The following ADARB2 variants were observed in gnomAD, a reference collection of about 807,000 sequenced individuals.
ADARB2 encodes inactive double-stranded RNA-specific editase B2.
ADARB2 carries 25 observed loss-of-function variants against 62.2 expected under a neutral mutation model. That is an observed-to-expected ratio of 0.40 (90% confidence interval 0.29 to 0.56). The LOEUF (loss-of-function observed/expected upper bound fraction) is 0.56. Ranked by LOEUF, ADARB2 falls within the 20% of genes least tolerant of loss-of-function variation. The pLI, the probability that ADARB2 is intolerant of heterozygous loss-of-function variation, is 0.43. For synonymous variants in ADARB2, 572 were observed against 500.8 expected (o/e 1.14, Z -1.90); for missense variants, 1,071 against 1,077.4 (o/e 0.99, Z 0.08).
intron 1 of ADARB2, among the ~76,000 whole-genome samples, chr10:1,487,850 C>T (rs1028327690): frequency 2.6e-5 from 4 of 152,000 alleles, no homozygotes; most frequent in South Asian, 2.1e-4. Flanking sequence ...GTTAAAAACA[C>T]GTGCCGCGGG....
chr10:1,627,441 A>G (rs1341350366), intron 1 of ADARB2, among the ~76,000 whole-genome samples: 2 of 152,058 alleles, frequency 1.3e-5, no homozygotes, highest in African/African-American at 4.8e-5. Context: ...TTGCAGGTTA[A>G]AGGGCACAGT....
At chr10:1,376,397 C>G (rs961561876) in intron 2 of ADARB2, among the ~76,000 whole-genome samples, 1 of 152,222 alleles carries the variant, frequency 6.6e-6, no homozygotes, top group African/African-American at 2.4e-5. Flanking sequence ...ACATAATGTT[C>G]ACAGCCCAAG....
intron 1 of ADARB2, among the ~76,000 whole-genome samples, chr10:1,444,256 A>C: frequency 8.8e-6 from 1 of 113,638 alleles, no homozygotes; most frequent in African/African-American, 3.8e-5. Context: ...CCATCCATTC[A>C]CCATCCATCT....
chr10:1,522,095 A>T (rs967709697), intron 1 of ADARB2, among the ~76,000 whole-genome samples: 1 of 152,168 alleles, frequency 6.6e-6, no homozygotes, highest in Non-Finnish European at 1.5e-5. Flanking sequence ...TCTGATAACC[A>T]CACAATTGTC....
chr10:1,710,769 C>G (rs1191697257), intron 1 of ADARB2, among the ~76,000 whole-genome samples: 3 of 152,220 alleles, frequency 2.0e-5, no homozygotes, highest in Admixed American at 6.5e-5. Flanking sequence ...CACCATGCTC[C>G]TACCTTCAGC....
intron 1 of ADARB2, among the ~76,000 whole-genome samples, chr10:1,723,700 C>A (rs1192704710): frequency 1.3e-5 from 2 of 152,062 alleles, no homozygotes; most frequent in Non-Finnish European, 2.9e-5. Flanking sequence ...GAAATGGGCA[C>A]CTTCCAAAGG....
chr10:1,508,735 A>T (rs1588282008), intron 1 of ADARB2, among the ~76,000 whole-genome samples: 1 of 152,186 alleles, frequency 6.6e-6, no homozygotes, highest in South Asian at 2.1e-4. Flanking sequence ...GATAGCTGAG[A>T]TCACACCACT....
chr10:1,460,166 C>T (rs1831153946), intron 1 of ADARB2, among the ~76,000 whole-genome samples: 1 of 34,178 alleles, frequency 2.9e-5, no homozygotes, highest in African/African-American at 1.1e-4. Context: ...TGCCTGTGAC[C>T]TGAGTTTACC....
chr10:1,414,185 A>G (rs1022391888), intron 1 of ADARB2, among the ~76,000 whole-genome samples: 5 of 152,162 alleles, frequency 3.3e-5, no homozygotes, highest in African/African-American at 1.2e-4. Context: ...CGTTTCCTTG[A>G]TGGGGGGAAT....
At position 1,233,689 on chromosome 10, in the gene ADARB2, C is replaced by T; in HGVS notation, c.1513+5G>A. On this transcript the variant is annotated splice_donor_5th_base_variant and intron_variant, in intron 6 of 9. Coordinates refer to ENST00000381312, the MANE Select transcript of ADARB2 (RefSeq NM_018702.4). ...CCTACAGAAGGTAAAAGCATGGTCT[C>T]TTACGGTCTGTGGTGATCTCGTAGG... 6.2e-7 allele frequency: 1 copy of T among 1,611,560 alleles called. No individual in the cohort carries two copies. Among genetic ancestry groups the T allele is most frequent in the Middle Eastern group, 1.7e-4 (1 of 6,046 alleles).
chr10:1,230,100 T>C lies in ADARB2; in HGVS notation c.1513+3594A>G, dbSNP rs139152958. On this transcript the variant is annotated intron_variant, in intron 6 of 9. Coordinates refer to ENST00000381312, the MANE Select transcript of ADARB2 (RefSeq NM_018702.4). ...AAGACTGAAACCTCTGTGCAGAGTC[T>C]CCTTCGGTTTCAGATGAGCTCCTCT... Among the ~76,000 whole-genome samples, 327 of 150,338 alleles carry C rather than the reference T, an allele frequency of 2.2e-3. 2 individuals are homozygous for C. The highest frequency in any genetic ancestry group is 7.6e-3 in the African/African-American group (311 of 40,900).
chr10:1,281,810 C>CT (rs1462078556), intron 3 of ADARB2, among the ~76,000 whole-genome samples: 2 of 152,312 alleles, frequency 1.3e-5, no homozygotes, highest in African/African-American at 4.8e-5. Context: ...CTCTATAATC[C>CT]TTTTTTCTTT....
chr10:1,314,443 TTCC>T (rs147004052), intron 3 of ADARB2, among the ~76,000 whole-genome samples: 163 of 150,642 alleles, frequency 1.1e-3, no homozygotes, highest in East Asian at 3.5e-3. Context: ...CAGCCAGTCC[TTCC>T]TCCTCCTCCT....
chr10:1,275,314 C>T (rs938519402), intron 3 of ADARB2, among the ~76,000 whole-genome samples: 17 of 152,094 alleles, frequency 1.1e-4, no homozygotes, highest in Admixed American at 4.6e-4. Context: ...TATTGCTGGC[C>T]GGACAGTTCC....
chr10:1,612,131 C>G (rs1307838112), intron 1 of ADARB2, among the ~76,000 whole-genome samples: 1 of 152,140 alleles, frequency 6.6e-6, no homozygotes, highest in African/African-American at 2.4e-5. Context: ...AGGGCTGAGC[C>G]GAGGGGGCCG....
At chr10:1,691,384 G>GC (rs1834670435) in intron 1 of ADARB2, among the ~76,000 whole-genome samples, 1 of 152,134 alleles carries the variant, frequency 6.6e-6, no homozygotes, top group Non-Finnish European at 1.5e-5. Flanking sequence ...TGTTATGACA[G>GC]CCCCAGAAAA....
chr10:1,291,629 G>C (rs1831466866), intron 3 of ADARB2: 1 of 152,234 alleles, frequency 6.6e-6, no homozygotes, highest in Non-Finnish European at 1.5e-5. Context: ...CCAGGTCCCA[G>C]AGCTCCAAGA....
rs1001490035 is a variant in ADARB2 at position 1,178,564 on chromosome 10, C to T, written c.*4629G>A. ...GGAACCCAGACAGCGGCAAGGCCTACACCGTGTCCTCCAGCCACCCGCCTA... is the reference window on the plus strand; with the variant it reads ...GGAACCCAGACAGCGGCAAGGCCTATACCGTGTCCTCCAGCCACCCGCCTA... On this transcript the variant is annotated 3_prime_UTR_variant, in exon 10 of 10. Coordinates refer to ENST00000381312, the MANE Select transcript of ADARB2 (RefSeq NM_018702.4). 2 of 152,290 alleles carry T rather than the reference C, an allele frequency of 1.3e-5. No individual in the cohort carries two copies. The highest frequency in any genetic ancestry group is 2.4e-5 in the African/African-American group (1 of 41,454). 9.4% of individuals were successfully genotyped at this position (152,290 alleles called of 1,614,324 possible). A position where few individuals can be genotyped will look rare whatever the true frequency, so the allele number is the denominator to read the frequency against.
intron 6 of ADARB2, among the ~76,000 whole-genome samples, chr10:1,226,420 T>C (rs111833828): frequency 1.7e-3 from 264 of 152,392 alleles, no homozygotes; most frequent in African/African-American, 6.0e-3. Context: ...ATCAAAGTCA[T>C]TCTCCATCCA....
Sources: gnomAD v4.1 joint callset for allele counts (sites outside exome capture counted in the v4.1 genomes callset) on GRCh38, gnomAD v4.1.1 for gene constraint, MANE v1.5 for transcripts, NCBI Gene and HGNC (gene_info 2026-07-23, HGNC 2026-07-21) for gene names.